PHEX: variants seen among roughly 807,000 people sequenced by gnomAD.
PHEX encodes phosphate-regulating neutral endopeptidase PHEX.
Under a neutral mutation model 68.0 loss-of-function variants are expected in PHEX, and 16 were observed. That is an observed-to-expected ratio of 0.24 (90% CI 0.16 to 0.36). The LOEUF (loss-of-function observed/expected upper bound fraction) is 0.36, where lower values mean the gene tolerates loss of function less well. PHEX is among the 10% of genes least tolerant of loss of function. The pLI, the probability that PHEX is intolerant of heterozygous loss-of-function variation, is 1.00. For missense variants in PHEX, 480 were observed against 575.5 expected, an observed-to-expected ratio of 0.83 and a Z score of 1.70; for synonymous variants, 208 against 205.1, an observed-to-expected ratio of 1.01 and a Z score of -0.12.
chrX:22,221,400 C>T (rs971361921), intron 17 of PHEX, among the ~76,000 whole-genome samples: 35 of 111,890 alleles, frequency 3.1e-4, no homozygotes, highest in African/African-American at 1.0e-3. Context: ...CTCTTTGTTC[C>T]TTAGAAGGAA....
At chrX:22,199,972 T>C (rs1193400196) in intron 15 of PHEX, among the ~76,000 whole-genome samples, 9 of 111,653 alleles carry the variant, frequency 8.1e-5, no homozygotes, top group East Asian at 2.8e-4. Flanking sequence ...GGGACTACTG[T>C]ACTTTTCTAA....
intron 9 of PHEX, among the ~76,000 whole-genome samples, chrX:22,106,183 T>G (rs1930678116): frequency 8.9e-6 from 1 of 111,815 alleles, no homozygotes; most frequent in Non-Finnish European, 1.9e-5. Context: ...ATTCAGTCAT[T>G]ATGGTTATAT....
Position 22,160,455 on chromosome X carries a change from A to G in PHEX, c.1405-7857A>G, listed in dbSNP as rs1054162958. 1.5e-4 allele frequency among the ~76,000 whole-genome samples: 16 copies of G among 109,696 alleles called. No homozygotes were observed. The Admixed American group carries it at 1.6e-3, about 11-fold the overall frequency. On this transcript the variant is annotated intron_variant, in intron 12 of 21. Coordinates refer to ENST00000379374, the MANE Select transcript of PHEX (RefSeq NM_000444.6). ...TCCCAGCTACTTGGGACGCTGAGGCAGGAGAATCACTTGAACCCAGGAGGT... is the reference window on the plus strand; with the variant it reads ...TCCCAGCTACTTGGGACGCTGAGGCGGGAGAATCACTTGAACCCAGGAGGT...
intron 3 of PHEX, among the ~76,000 whole-genome samples, chrX:22,067,105 T>G (rs1021297511): frequency 7.3e-5 from 8 of 109,982 alleles, no homozygotes; most frequent in Non-Finnish European, 3.8e-5. Flanking sequence ...AACCAGGCAC[T>G]GAGGCACATG....
chrX:22,150,547 T>G (rs888996481), intron 12 of PHEX, among the ~76,000 whole-genome samples: 7 of 111,956 alleles, frequency 6.3e-5, no homozygotes, highest in African/African-American at 2.3e-4. Context: ...AAAACTTTAT[T>G]TACAACACCA....
chrX:22,223,221 G>T (rs889752908), intron 18 of PHEX, among the ~76,000 whole-genome samples: 1 of 111,926 alleles, frequency 8.9e-6, no homozygotes, highest in Non-Finnish European at 1.9e-5. Context: ...TATAGGAGCC[G>T]TTCCTTTGTG....
At chrX:22,209,940 TAAAA>T (rs200608326) in intron 15 of PHEX, among the ~76,000 whole-genome samples, 981 of 91,209 alleles carry the variant, frequency 0.011, 21 homozygotes, top group East Asian at 0.1. Flanking sequence ...GTTGAAATGG[TAAAA>T]AAAAAAAAAA....
intron 15 of PHEX, among the ~76,000 whole-genome samples, chrX:22,210,733 AT>A (rs1156583542): frequency 3.6e-5 from 4 of 111,288 alleles, no homozygotes; most frequent in African/African-American, 9.8e-5. Context: ...TATTAGATGC[AT>A]TTTCCTTTAT....
rs1191897914 is a variant in PHEX, at chrX:22,051,376, C to G, written c.349+4165C>G. On this transcript the variant is annotated intron_variant, in intron 3 of 21. Transcript: ENST00000379374. ...CGAAACCCTGTTTTTCCTAAAAATA[C>G]AAAAATCAGCTGGGTGTGGTGGCAG... 2.7e-5 allele frequency among the ~76,000 whole-genome samples: 3 copies of G among 110,794 alleles called. No homozygotes were observed. In the Admixed American group the frequency reaches 2.9e-4, roughly 11 times the overall value.
At chrX:22,116,704 A>G (rs1353620107) in intron 11 of PHEX, among the ~76,000 whole-genome samples, 1 of 111,345 alleles carries the variant, frequency 9.0e-6, no homozygotes, top group Non-Finnish European at 1.9e-5. Context: ...GGTCTCACTA[A>G]CACAGGCCTC....
chrX:22,080,356 G>A (rs1222187674), intron 5 of PHEX, among the ~76,000 whole-genome samples: 15 of 111,679 alleles, frequency 1.3e-4, no homozygotes. Context: ...GCAAACGTTT[G>A]CTTAAGTTCT....
chrX:22,044,178 G>A (rs1927407493), intron 2 of PHEX, among the ~76,000 whole-genome samples: 1 of 110,327 alleles, frequency 9.1e-6, no homozygotes, highest in African/African-American at 3.3e-5. Context: ...GAGGGTTGGG[G>A]GCAGGGAAAG....
In PHEX at chrX:22,249,605, G is replaced by A. The variant is rs928505698; in HGVS notation, c.*1652G>A. The A allele has an allele frequency of 3.9e-5, 4 of 103,628 alleles. No individual in the cohort carries two copies. The highest frequency in any genetic ancestry group is 7.2e-5 in the African/African-American group (2 of 27,614). 8.5% of individuals were successfully genotyped at this position (103,628 alleles called of 1,213,427 possible). A position where few individuals can be genotyped will look rare whatever the true frequency, so the allele number is the denominator to read the frequency against. On this transcript the variant is annotated 3_prime_UTR_variant, in exon 22 of 22. Coordinates refer to ENST00000379374, the MANE Select transcript of PHEX (RefSeq NM_000444.6). ...TATACTGCATTAGTCAGAGGAGAGC[G>A]ATTTTCCCTTTGACTTCTTCCTCTC... is the stretch of plus-strand genomic sequence containing the variant.
rs369811222 is a variant in PHEX at position 22,169,746 on chromosome X, G to A, written c.1482+1357G>A. On this transcript the variant is annotated intron_variant, in intron 13 of 21. Transcript: ENST00000379374. ...ATGTTATCAAATGGTTAAGAGCACAGGCTCCAGTATCATGGGCCTGGGTTT... is the reference window on the plus strand; with the variant it reads ...ATGTTATCAAATGGTTAAGAGCACAAGCTCCAGTATCATGGGCCTGGGTTT... 5 of 112,676 alleles carry A rather than the reference G, an allele frequency of 4.4e-5. No homozygotes were observed. In the South Asian group the frequency reaches 1.5e-3, roughly 33 times the overall value. 9.3% of individuals were successfully genotyped at this position (112,676 alleles called of 1,213,427 possible). A position where few individuals can be genotyped will look rare whatever the true frequency, so the allele number is the denominator to read the frequency against.
At chrX:22,208,413 C>T (rs1390879336) in intron 15 of PHEX, among the ~76,000 whole-genome samples, 1 of 112,464 alleles carries the variant, frequency 8.9e-6, no homozygotes, top group East Asian at 2.8e-4. Context: ...AATTTTAAGA[C>T]CTACCTCTTT....
intron 18 of PHEX, 150 bp from the exon 19 acceptor site, chrX:22,226,293 A>ATATAT: frequency 2.1e-6 from 1 of 475,308 alleles, no homozygotes; most frequent in Admixed American, 3.2e-5. Context: ...CTTTCTTACA[A>ATATAT]TATATTATGC....
At chrX:22,237,195 C>T (rs62584917) in intron 20 of PHEX, among the ~76,000 whole-genome samples, 18,407 of 111,178 alleles carry the variant, frequency 0.17, 1,414 homozygotes, top group Non-Finnish European at 0.24. Context: ...TAAGCAAAGA[C>T]AATACTATAT....
At chrX:22,044,630 G>A (rs963112916) in intron 2 of PHEX, among the ~76,000 whole-genome samples, 6 of 109,581 alleles carry the variant, frequency 5.5e-5, no homozygotes, top group African/African-American at 2.0e-4. Flanking sequence ...GCAGAATGGT[G>A]TGAACCTGGG....
intron 15 of PHEX, among the ~76,000 whole-genome samples, chrX:22,195,704 G>T (rs1934346408): frequency 9.0e-6 from 1 of 111,711 alleles, no homozygotes; most frequent in African/African-American, 3.2e-5. Context: ...ATACTGTTCT[G>T]TTTCATGTGT....
Sources: allele counts gnomAD v4.1 joint callset (sites outside exome capture counted in the v4.1 genomes callset), GRCh38; gene constraint gnomAD v4.1.1; transcripts MANE v1.5; gene names NCBI Gene and HGNC (gene_info 2026-07-23, HGNC 2026-07-21).